Variants in FHIT observed in about 807,000 individuals in gnomAD.
FHIT encodes the protein fragile histidine triad diadenosine triphosphatase.
In FHIT, 19 loss-of-function variants were observed where a neutral mutation model predicts 17.9. That is an observed-to-expected ratio of 1.06 (90% CI 0.74 to 1.56). The LOEUF (loss-of-function observed/expected upper bound fraction) is 1.56. FHIT is among the 40% of genes most tolerant of loss of function. The probability of loss-of-function intolerance (pLI) is 0.00; values close to 1 mark genes in which losing one functional copy is unlikely to be tolerated. For missense variants in FHIT, 248 were observed against 189.2 expected (o/e 1.31, Z -1.82); for synonymous variants, 81 against 69.7 (o/e 1.16, Z -0.81).
chr3:60,440,647 C>T (rs1300832656), intron 5 of FHIT, among the ~76,000 whole-genome samples: 2 of 152,036 alleles, frequency 1.3e-5, no homozygotes, highest in African/African-American at 2.4e-5. Context: ...CCAATCCAAA[C>T]TATATAACCC....
intron 5 of FHIT, among the ~76,000 whole-genome samples, chr3:60,187,621 T>G (rs1178374441): frequency 6.6e-6 from 1 of 152,186 alleles, no homozygotes; most frequent in African/African-American, 2.4e-5. Flanking sequence ...ACCCTGCTCC[T>G]GCACAAAGCC....
At chr3:60,116,729 A>G (rs1040936718) in intron 5 of FHIT, among the ~76,000 whole-genome samples, 2 of 152,160 alleles carry the variant, frequency 1.3e-5, no homozygotes, top group Non-Finnish European at 2.9e-5. Context: ...GGTAAGGCAG[A>G]TTGGCCAAGA....
intron 2 of FHIT, among the ~76,000 whole-genome samples, chr3:61,060,261 C>A (rs1466744841): frequency 6.6e-6 from 1 of 152,146 alleles, no homozygotes; most frequent in East Asian, 1.9e-4. Context: ...GCCATAGGAA[C>A]TTAACTCTTA....
chr3:60,875,792 G>C (rs1289968513), intron 3 of FHIT, among the ~76,000 whole-genome samples: 2 of 152,042 alleles, frequency 1.3e-5, no homozygotes, highest in Non-Finnish European at 2.9e-5. Flanking sequence ...CTGAGACTTA[G>C]AGAAGTTAAG....
intron 2 of FHIT, among the ~76,000 whole-genome samples, chr3:61,052,213 C>T (rs1240569833): frequency 6.6e-6 from 1 of 152,226 alleles, no homozygotes; most frequent in African/African-American, 2.4e-5. Flanking sequence ...CTTCCCAGGA[C>T]TGCCAAAGTT....
At chr3:61,211,491 A>G (rs980506955) in intron 1 of FHIT, among the ~76,000 whole-genome samples, 4 of 152,224 alleles carry the variant, frequency 2.6e-5, no homozygotes, top group African/African-American at 9.6e-5. Context: ...TAGGTAAACA[A>G]AGCTGCCAGG....
Position 60,139,277 on chromosome 3 carries a change from T to C in FHIT, c.104-125125A>G, listed in dbSNP as rs527968542. 2.6e-5 allele frequency among the ~76,000 whole-genome samples: 4 copies of C among 152,162 alleles called. No individual in the cohort carries two copies. In the South Asian group the frequency reaches 8.3e-4, roughly 32 times the overall value. ...TGTGTCTACTTCATCAGATTTGCCA[T>C]CCCATAGCTGATTCCTAATTAAAGG... is the stretch of plus-strand genomic sequence containing the variant. On this transcript the variant is annotated intron_variant, in intron 5 of 9. Coordinates refer to ENST00000492590, the MANE Select transcript of FHIT (RefSeq NM_002012.4).
At chr3:61,007,376 A>G (rs1341487506) in intron 3 of FHIT, among the ~76,000 whole-genome samples, 3 of 152,226 alleles carry the variant, frequency 2.0e-5, no homozygotes, top group Non-Finnish European at 4.4e-5. Flanking sequence ...CTTTACAGGC[A>G]TTAACAACAG....
chr3:61,115,144 G>C (rs1471784016), intron 2 of FHIT, among the ~76,000 whole-genome samples: 1 of 152,110 alleles, frequency 6.6e-6, no homozygotes, highest in African/African-American at 2.4e-5. Context: ...TGAAAAAGAA[G>C]ACTTGATTTT....
chr3:60,570,586 C>T (rs150626640), intron 4 of FHIT, among the ~76,000 whole-genome samples: 78 of 152,122 alleles, frequency 5.1e-4, no homozygotes, highest in African/African-American at 1.8e-3. Flanking sequence ...AAATCTTTTC[C>T]CACTGAAGTC....
chr3:60,718,738 G>GAA (rs2041743130), intron 4 of FHIT, among the ~76,000 whole-genome samples: 1 of 152,114 alleles, frequency 6.6e-6, no homozygotes, highest in Non-Finnish European at 1.5e-5. Flanking sequence ...GGGAGAGAGA[G>GAA]AAAAGTTGGT....
At chr3:60,859,391 G>A (rs963257573) in intron 3 of FHIT, among the ~76,000 whole-genome samples, 1 of 152,118 alleles carries the variant, frequency 6.6e-6, no homozygotes, top group Admixed American at 6.6e-5. Flanking sequence ...TTCTAGCAGA[G>A]ATTATTAGTA....
intron 4 of FHIT, among the ~76,000 whole-genome samples, chr3:60,562,636 C>T (rs1460929234): frequency 2.6e-5 from 4 of 152,116 alleles, no homozygotes; most frequent in African/African-American, 9.7e-5. Context: ...TGGGGAATAC[C>T]AGCATCAGCA....
intron 5 of FHIT, among the ~76,000 whole-genome samples, chr3:60,473,214 C>T (rs1200766828): frequency 6.6e-6 from 1 of 152,184 alleles, no homozygotes; most frequent in Non-Finnish European, 1.5e-5. Flanking sequence ...TGAACCAACG[C>T]TGAAAACTCC....
chr3:61,142,948 T>C (rs182142680), intron 2 of FHIT, among the ~76,000 whole-genome samples: 97 of 152,314 alleles, frequency 6.4e-4, no homozygotes, highest in African/African-American at 2.3e-3. Context: ...CGTTAATATG[T>C]ACCTTACAGT....
chr3:60,744,944 C>A (rs2042327166), intron 4 of FHIT, among the ~76,000 whole-genome samples: 1 of 152,052 alleles, frequency 6.6e-6, no homozygotes, highest in Non-Finnish European at 1.5e-5. Flanking sequence ...AACCATAGTC[C>A]CTGTCCTTAG....
chr3:60,114,423 A>G (rs7640017), intron 5 of FHIT, among the ~76,000 whole-genome samples: 5,288 of 149,580 alleles, frequency 0.035, 306 homozygotes, highest in African/African-American at 0.12. Context: ...TCTTGTAAAC[A>G]GGCAATTAAT....
At chr3:59,978,725 T>A (rs1336852463) in intron 7 of FHIT, among the ~76,000 whole-genome samples, 1 of 150,564 alleles carries the variant, frequency 6.6e-6, no homozygotes, top group African/African-American at 2.4e-5. Context: ...TTTTGGAGGT[T>A]TCAAAGTGTC....
chr3:60,691,553 A>T (rs1211494208), intron 4 of FHIT, among the ~76,000 whole-genome samples: 3 of 151,736 alleles, frequency 2.0e-5, no homozygotes, highest in Non-Finnish European at 4.4e-5. Flanking sequence ...CCTTTTTTGA[A>T]GTGACAGGTT....
Sources: allele counts gnomAD v4.1 joint callset (sites outside exome capture counted in the v4.1 genomes callset), GRCh38; gene constraint gnomAD v4.1.1; transcripts MANE v1.5; gene names NCBI Gene and HGNC (gene_info 2026-07-23, HGNC 2026-07-21).